Variants in PATJ observed in about 807,000 individuals in gnomAD.
PATJ encodes inaD-like protein.
Under a neutral mutation model 224.9 loss-of-function variants are expected in PATJ, and 190 were observed. The observed-to-expected ratio is 0.84, with a 90% CI of 0.75 to 0.95. The LOEUF (loss-of-function observed/expected upper bound fraction) is 0.95, where lower values mean the gene tolerates loss of function less well. Ranked by LOEUF, PATJ falls within the 40% of genes least tolerant of loss-of-function variation. The pLI is 0.00. For synonymous variants in PATJ, 769 were observed against 820.3 expected (o/e 0.94, Z 1.07); for missense variants, 2,121 against 2,270.3 (o/e 0.93, Z 1.34).
At chr1:61,942,921 A>G (rs1211440184) in intron 27 of PATJ, among the ~76,000 whole-genome samples, 1 of 152,174 alleles carries the variant, frequency 6.6e-6, no homozygotes, top group South Asian at 2.1e-4. Context: ...TATATACCCA[A>G]ATGAAATGAC....
chr1:62,122,012 A>G (rs1665120296), intron 38 of PATJ, among the ~76,000 whole-genome samples: 1 of 152,060 alleles, frequency 6.6e-6, no homozygotes, highest in South Asian at 2.1e-4. Context: ...GGTCCTTTTA[A>G]GTCTTTTGTT....
At chr1:61,758,280 A>G (rs1645764074) in intron 1 of PATJ, among the ~76,000 whole-genome samples, 2 of 152,226 alleles carry the variant, frequency 1.3e-5, no homozygotes, top group African/African-American at 2.4e-5. Flanking sequence ...CAACATACTG[A>G]AAATAGTTAC....
chr1:62,032,481 A>G (rs939428411), intron 29 of PATJ, among the ~76,000 whole-genome samples: 1 of 152,210 alleles, frequency 6.6e-6, no homozygotes, highest in African/African-American at 2.4e-5. Flanking sequence ...GTCAGCTGTG[A>G]CTTATCATAT....
intron 41 of PATJ, 42 bp downstream of exon 41, chr1:62,128,987 AGTGGCATGC>A (rs1329922396): frequency 1.5e-6 from 2 of 1,339,916 alleles, no homozygotes; most frequent in South Asian, 2.5e-5. Context: ...AAGGCAGATA[AGTGGCATGC>A]AAAAAAGATT....
intron 7 of PATJ, among the ~76,000 whole-genome samples, chr1:61,785,600 A>C (rs1648335323): frequency 6.6e-6 from 1 of 152,236 alleles, no homozygotes; most frequent in Non-Finnish European, 1.5e-5. Context: ...TGCATGTATA[A>C]GTTTAAATGA....
intron 27 of PATJ, among the ~76,000 whole-genome samples, chr1:61,965,126 A>C (rs1298261221): frequency 1.6e-5 from 1 of 63,596 alleles, no homozygotes; most frequent in Non-Finnish European, 3.3e-5. Context: ...TGTCTCAAAA[A>C]AAAAAAAAAA....
At chr1:62,118,691 G>A (rs987478485) in intron 37 of PATJ, among the ~76,000 whole-genome samples, 1 of 152,048 alleles carries the variant, frequency 6.6e-6, no homozygotes, top group Non-Finnish European at 1.5e-5. Flanking sequence ...GTGCAATGGC[G>A]CGATCTCAGC....
chr1:61,871,555 ATATTTTTTT>A (rs372603268), intron 20 of PATJ, among the ~76,000 whole-genome samples: 20,972 of 55,592 alleles, frequency 0.38, 1,916 homozygotes, highest in Non-Finnish European at 0.42. Flanking sequence ...ATATATATAT[ATATTTTTTT>A]TTTTTTTTTT....
chr1:61,890,210 G>A (rs1669411485), intron 22 of PATJ, among the ~76,000 whole-genome samples: 1 of 152,156 alleles, frequency 6.6e-6, no homozygotes, highest in Non-Finnish European at 1.5e-5. Context: ...CAGGCGTGGT[G>A]GCTCACGCCT....
At chr1:62,068,664 G>A (rs939596669) in intron 31 of PATJ, among the ~76,000 whole-genome samples, 6 of 152,174 alleles carry the variant, frequency 3.9e-5, no homozygotes, top group African/African-American at 1.4e-4. Context: ...CAGCTTTGGG[G>A]ATTGTCAGCT....
At chr1:61,778,431 T>G (rs1647058262) in intron 7 of PATJ, among the ~76,000 whole-genome samples, 5 of 152,204 alleles carry the variant, frequency 3.3e-5, no homozygotes. Context: ...GAAAGTTTGT[T>G]GATATGGTTC....
chr1:62,144,073 G>A lies in PATJ; in HGVS notation c.5272-4211G>A, dbSNP rs143735392. Among the ~76,000 whole-genome samples, 237 of 152,328 alleles carry A rather than the reference G, an allele frequency of 1.6e-3. 1 individual carries two copies. Among genetic ancestry groups the A allele is most frequent in the Non-Finnish European group, 2.7e-3 (185 of 68,036 alleles). ...TGCTGTGGAAGAGAGCAGAAAGCTGGTGCTAAGAGGAGAGACTTTTCGGGG... is the reference window on the plus strand; with the variant it reads ...TGCTGTGGAAGAGAGCAGAAAGCTGATGCTAAGAGGAGAGACTTTTCGGGG... On this transcript the variant is annotated intron_variant, in intron 41 of 43. Transcript: ENST00000642238.
rs1382987279 is a variant in PATJ, at chr1:62,010,038, G to A, written c.3868-7818G>A. Among the ~76,000 whole-genome samples, 9 of 143,736 alleles carry A rather than the reference G, an allele frequency of 6.3e-5. No homozygotes were observed. In the South Asian group the frequency reaches 9.0e-4, roughly 14 times the overall value. The allele number at this position is 143,736 out of a possible 152,430, so 94.3% of individuals were successfully genotyped here. ...GGGGAGGTTACAGTGAGCCGAGATC[G>A]TACCATTGCACTCCAGCCTGGGGGA... On this transcript the variant is annotated intron_variant, in intron 28 of 43. Transcript: ENST00000642238.
At chr1:61,986,769 A>T (rs1644782510) in intron 27 of PATJ, among the ~76,000 whole-genome samples, 1 of 152,182 alleles carries the variant, frequency 6.6e-6, no homozygotes, top group Non-Finnish European at 1.5e-5. Context: ...TATCTTATTA[A>T]TGTTTTCTAA....
intron 21 of PATJ, among the ~76,000 whole-genome samples, chr1:61,882,239 A>G (rs1190438549): frequency 6.6e-6 from 1 of 152,126 alleles, no homozygotes; most frequent in Non-Finnish European, 1.5e-5. Context: ...TTTTATATGG[A>G]GTGGTCAGGC....
chr1:62,149,252 A>G (rs984354736), intron 42 of PATJ, among the ~76,000 whole-genome samples: 1 of 152,110 alleles, frequency 6.6e-6, no homozygotes, highest in African/African-American at 2.4e-5. Flanking sequence ...GATGTTAACA[A>G]GTTTCCCAGA....
chr1:62,088,011 C>T (rs923688835), intron 33 of PATJ, among the ~76,000 whole-genome samples: 15 of 112,856 alleles, frequency 1.3e-4, no homozygotes, highest in African/African-American at 4.0e-4. Context: ...CCTGCCTCAG[C>T]CTCCTGAGTA....
At chr1:61,743,650 G>A (rs1350844242) in intron 1 of PATJ, among the ~76,000 whole-genome samples, 3 of 152,214 alleles carry the variant, frequency 2.0e-5, no homozygotes, top group Non-Finnish European at 2.9e-5. Context: ...AGGAGTGGAG[G>A]CAGGGGCAGC....
At chr1:62,079,318 C>T (rs1410969307) in intron 31 of PATJ, 132 bp from the exon 32 acceptor site, 2 of 613,222 alleles carry the variant, frequency 3.3e-6, no homozygotes, top group Non-Finnish European at 5.8e-6. Flanking sequence ...TTCTTGCCAC[C>T]CTCCAACCTT....
Sources: gnomAD v4.1 joint callset for allele counts (sites outside exome capture counted in the v4.1 genomes callset) on GRCh38, gnomAD v4.1.1 for gene constraint, MANE v1.5 for transcripts, NCBI Gene and HGNC (gene_info 2026-07-23, HGNC 2026-07-21) for gene names.